Variants in APBA1 observed in about 807,000 individuals in gnomAD.
The protein encoded by APBA1 is amyloid beta precursor protein binding family A member 1.
In APBA1, 55 loss-of-function variants were observed where a neutral mutation model predicts 86.6. That is an observed-to-expected ratio of 0.64 (90% CI 0.51 to 0.80). The LOEUF (loss-of-function observed/expected upper bound fraction) is 0.80, where lower values mean the gene tolerates loss of function less well. Among genes scored for constraint, APBA1 ranks in the 30% least tolerant of loss-of-function variants. The pLI is 0.00. For missense variants in APBA1, 1,090 were observed against 1,183.0 expected (o/e 0.92, Z 1.15); for synonymous variants, 511 against 493.9 (o/e 1.03, Z -0.46).
chr9:69,632,754 A>G (rs1301480284), intron 1 of APBA1, among the ~76,000 whole-genome samples: 1 of 152,180 alleles, frequency 6.6e-6, no homozygotes, highest in Non-Finnish European at 1.5e-5. Flanking sequence ...GTATAGAACA[A>G]TCCATATTTT....
chr9:69,569,900 A>G (rs1009495576), intron 1 of APBA1, among the ~76,000 whole-genome samples: 1 of 152,232 alleles, frequency 6.6e-6, no homozygotes, highest in Non-Finnish European at 1.5e-5. Context: ...TCAAATTGCC[A>G]GGCATGTAAT....
chr9:69,470,803 G>A (rs899772497), intron 4 of APBA1, among the ~76,000 whole-genome samples: 1 of 152,250 alleles, frequency 6.6e-6, no homozygotes, highest in Non-Finnish European at 1.5e-5. Context: ...TAGCCAGAGA[G>A]TGAGTGCCTC....
At chr9:69,435,839 TG>T (rs1323284669) in intron 11 of APBA1, among the ~76,000 whole-genome samples, 1 of 152,242 alleles carries the variant, frequency 6.6e-6, no homozygotes, top group African/African-American at 2.4e-5. Flanking sequence ...CCATTGCTTT[TG>T]GTGTTTTAGA....
intron 1 of APBA1, among the ~76,000 whole-genome samples, chr9:69,539,714 C>T (rs959755051): frequency 6.6e-6 from 1 of 152,220 alleles, no homozygotes; most frequent in Non-Finnish European, 1.5e-5. Flanking sequence ...CTTGCTACTC[C>T]ATGAAATGAC....
chr9:69,489,786 C>T (rs1396939757), intron 2 of APBA1, among the ~76,000 whole-genome samples: 4 of 152,032 alleles, frequency 2.6e-5, no homozygotes, highest in African/African-American at 9.7e-5. Context: ...TACCATCTCA[C>T]ACCAGTTAGA....
At chr9:69,610,467 C>T (rs1190402498) in intron 1 of APBA1, among the ~76,000 whole-genome samples, 1 of 152,090 alleles carries the variant, frequency 6.6e-6, no homozygotes, top group Non-Finnish European at 1.5e-5. Context: ...TACATTTTGT[C>T]AGGTTCTGTA....
rs139750169 is a variant in APBA1 at position 69,489,563 on chromosome 9, C to A, written c.1201-13420G>T. On this transcript the variant is annotated intron_variant, in intron 2 of 12. Coordinates refer to ENST00000265381, the MANE Select transcript of APBA1 (RefSeq NM_001163.4). The stretch of plus-strand genomic sequence containing the variant: ...CCTACAAAAATGGGAGAAAATTTTC[C>A]CAACCTACTCATCTGACAAAGGGCT... Among the ~76,000 whole-genome samples the A allele has an allele frequency of 8.1e-3, 1,223 of 151,842 alleles. 24 individuals carry two copies. Among genetic ancestry groups the A allele is most frequent in the African/African-American group, 0.028 (1,175 of 41,388 alleles).
chr9:69,513,074 T>G lies in APBA1; in HGVS notation c.1200+2937A>C, dbSNP rs539159681. 3.7e-4 allele frequency among the ~76,000 whole-genome samples: 57 copies of G among 152,338 alleles called. No homozygotes were observed. The South Asian group carries it at 0.012, about 32-fold the overall frequency. ...AACCCACAAATAGCTTAAAAATGACTGCTGGAATACTTTAAAGCACAGGTT... is the reference window on the plus strand; with the variant it reads ...AACCCACAAATAGCTTAAAAATGACGGCTGGAATACTTTAAAGCACAGGTT... On this transcript the variant is annotated intron_variant, in intron 2 of 12. Transcript: ENST00000265381.
At chr9:69,528,951 A>T (rs1440567718) in intron 1 of APBA1, among the ~76,000 whole-genome samples, 1 of 152,024 alleles carries the variant, frequency 6.6e-6, no homozygotes, top group Non-Finnish European at 1.5e-5. Context: ...ATCACTTCAA[A>T]TTTACTGCTA....
At chr9:69,602,530 C>G (rs1822372493) in intron 1 of APBA1, among the ~76,000 whole-genome samples, 1 of 151,854 alleles carries the variant, frequency 6.6e-6, no homozygotes, top group African/African-American at 2.4e-5. Flanking sequence ...AAGATCGCGC[C>G]ACTGCATTCC....
At chr9:69,633,055 A>G (rs1260515274) in intron 1 of APBA1, among the ~76,000 whole-genome samples, 1 of 147,170 alleles carries the variant, frequency 6.8e-6, no homozygotes, top group East Asian at 2.0e-4. Context: ...AGCTATAGCT[A>G]CTCTGTGCAG....
At chr9:69,633,141 T>C (rs1823083677) in intron 1 of APBA1, among the ~76,000 whole-genome samples, 1 of 151,786 alleles carries the variant, frequency 6.6e-6, no homozygotes, top group South Asian at 2.1e-4. Flanking sequence ...TTTATTTTTA[T>C]TTTTTTATTA....
intron 1 of APBA1, among the ~76,000 whole-genome samples, chr9:69,645,698 GCACACTCGA>G (rs1823378689): frequency 3.3e-5 from 5 of 152,306 alleles, no homozygotes; most frequent in Admixed American, 3.3e-4. Context: ...CCTTGTAGCT[GCACACTCGA>G]CACAGAGGTA....
chr9:69,528,666 G>T (rs578243153), intron 1 of APBA1, among the ~76,000 whole-genome samples: 1 of 151,922 alleles, frequency 6.6e-6, no homozygotes, highest in East Asian at 1.9e-4. Context: ...CCTTTCTACT[G>T]TTATCTCTAT....
At chr9:69,611,388 T>C (rs1006748221) in intron 1 of APBA1, among the ~76,000 whole-genome samples, 1 of 151,436 alleles carries the variant, frequency 6.6e-6, no homozygotes, top group African/African-American at 2.4e-5. Context: ...CAAAATATAG[T>C]GTTGTTACTA....
At chr9:69,542,855 G>C (rs1450463596) in intron 1 of APBA1, among the ~76,000 whole-genome samples, 2 of 152,178 alleles carry the variant, frequency 1.3e-5, no homozygotes, top group African/African-American at 2.4e-5. Flanking sequence ...CACCCTAGTT[G>C]TATTTCGTTG....
chr9:69,523,229 C>T (rs1836281022), intron 1 of APBA1, among the ~76,000 whole-genome samples: 1 of 151,802 alleles, frequency 6.6e-6, no homozygotes, highest in Non-Finnish European at 1.5e-5. Flanking sequence ...GTTGCTCTTT[C>T]CTTAAGCAAT....
In APBA1 at chr9:69,457,146, A is replaced by T; in HGVS notation, c.1516-7T>A. 6.2e-7 allele frequency: 1 copy of T among 1,612,820 alleles called. No individual in the cohort carries two copies. Among genetic ancestry groups the T allele is most frequent in the Non-Finnish European group, 8.5e-7 (1 of 1,178,754 alleles). On this transcript the variant is annotated splice_region_variant and splice_polypyrimidine_tract_variant and intron_variant, in intron 6 of 12. Transcript: ENST00000265381. ...GAGATTCGCCTTCAGGAGCCTGAGAAGAAAAAATGCACCAAGAGAAAGTTT... is the reference window on the plus strand; with the variant it reads ...GAGATTCGCCTTCAGGAGCCTGAGATGAAAAAATGCACCAAGAGAAAGTTT...
At chr9:69,530,314 A>G (rs879563071) in intron 1 of APBA1, among the ~76,000 whole-genome samples, 37,872 of 124,036 alleles carry the variant, frequency 0.31, 5,754 homozygotes, top group East Asian at 0.41. Flanking sequence ...GTGTATATAT[A>G]TATATATATA....
Sources: gnomAD v4.1 joint callset for allele counts (sites outside exome capture counted in the v4.1 genomes callset) on GRCh38, gnomAD v4.1.1 for gene constraint, MANE v1.5 for transcripts, NCBI Gene and HGNC (gene_info 2026-07-23, HGNC 2026-07-21) for gene names.